TAFA5: variants seen among roughly 807,000 people sequenced by gnomAD.
TAFA5 encodes chemokine-like protein TAFA-5.
Under a neutral mutation model 15.3 loss-of-function variants are expected in TAFA5, and 6 were observed. The observed-to-expected ratio is 0.39, with a 90% CI of 0.21 to 0.77. The LOEUF is 0.77. TAFA5 is among the 30% of genes least tolerant of loss of function. The pLI is 0.41. For synonymous variants in TAFA5, 103 were observed against 80.7 expected, an observed-to-expected ratio of 1.28 and a Z score of -1.48; for missense variants, 161 against 193.1, an observed-to-expected ratio of 0.83 and a Z score of 0.98.
chr22:48,602,148 C>T (rs1371253220), intron 1 of TAFA5, among the ~76,000 whole-genome samples: 2 of 152,252 alleles, frequency 1.3e-5, no homozygotes, highest in South Asian at 2.1e-4. Flanking sequence ...CTCCCTCCTC[C>T]GCATCTTCCT....
chr22:48,720,975 G>A (rs1196817595), intron 3 of TAFA5, among the ~76,000 whole-genome samples: 3 of 152,152 alleles, frequency 2.0e-5, no homozygotes, highest in Non-Finnish European at 4.4e-5. Context: ...TCACACCCAC[G>A]TGAAGACCCC....
intron 1 of TAFA5, among the ~76,000 whole-genome samples, chr22:48,555,966 G>A (rs527460342): frequency 2.0e-5 from 3 of 152,214 alleles, no homozygotes; most frequent in African/African-American, 7.2e-5. Flanking sequence ...CCCTCTTCTT[G>A]TTCTAGCTCC....
intron 1 of TAFA5, among the ~76,000 whole-genome samples, chr22:48,621,029 C>T (rs1354216307): frequency 2.6e-5 from 2 of 77,518 alleles, no homozygotes; most frequent in African/African-American, 4.9e-5. Context: ...CCACACTATC[C>T]ATCCACCCTC....
chr22:48,648,565 G>A (rs1926945564), intron 2 of TAFA5, among the ~76,000 whole-genome samples: 1 of 152,198 alleles, frequency 6.6e-6, no homozygotes, highest in Non-Finnish European at 1.5e-5. Context: ...TATCAGCCAG[G>A]CGCAGTAGCT....
At chr22:48,644,202 G>A (rs1035903729) in intron 1 of TAFA5, among the ~76,000 whole-genome samples, 19 of 152,160 alleles carry the variant, frequency 1.2e-4, no homozygotes, top group African/African-American at 4.3e-4. Context: ...CCAAGTTCCC[G>A]CCCCACAGCC....
rs567435339 is a variant in TAFA5, at chr22:48,585,376, A to G, written c.113-61221A>G. Reference sequence around the variant, plus strand: ...ACATACACATACAAAATATTCATACACCACACAGCACACACCACACACACC... The same window carrying G: ...ACATACACATACAAAATATTCATACGCCACACAGCACACACCACACACACC... On this transcript the variant is annotated intron_variant, in intron 1 of 3. Transcript: ENST00000402357. 5.6e-5 allele frequency among the ~76,000 whole-genome samples: 8 copies of G among 143,878 alleles called. No homozygotes were observed. The East Asian group carries it at 1.7e-3, about 31-fold the overall frequency. The allele number at this position is 143,878 out of a possible 152,430, so 94.4% of individuals were successfully genotyped here.
chr22:48,697,443 G>C (rs1391238979), intron 2 of TAFA5, among the ~76,000 whole-genome samples: 1 of 135,808 alleles, frequency 7.4e-6, no homozygotes, highest in African/African-American at 2.7e-5. Flanking sequence ...TGATGATGAG[G>C]ATCAGGATGG....
chr22:48,571,577 T>TTTTG (rs1923589767), intron 1 of TAFA5, among the ~76,000 whole-genome samples: 8 of 106,316 alleles, frequency 7.5e-5, no homozygotes, highest in Non-Finnish European at 1.0e-4. Context: ...CTGGCCTGTT[T>TTTTG]TTTTTTTTTT....
chr22:48,747,005 G>A lies in TAFA5; in HGVS notation c.391-2834G>A, dbSNP rs368367457. Among the ~76,000 whole-genome samples the A allele has an allele frequency of 2.4e-4, 37 of 152,302 alleles. No individual in the cohort carries two copies. The South Asian group carries it at 5.6e-3, about 23-fold the overall frequency. On this transcript the variant is annotated intron_variant, in intron 3 of 3. Transcript: ENST00000402357. ...CCATACCCTACAGAGTGGGCTCAAC[G>A]CCCTGGAGCCCAGGAAGGAGTGGTT...
At chr22:48,693,496 G>T in intron 2 of TAFA5, 1 of 1,539,056 alleles carries the variant, frequency 6.5e-7, no homozygotes, top group Non-Finnish European at 8.8e-7. Flanking sequence ...AGCATAGCCT[G>T]AGGTCCCAGA....
rs144528076 is a variant in TAFA5 at position 48,524,746 on chromosome 22, G to A, written c.112+35042G>A. Among the ~76,000 whole-genome samples the A allele has an allele frequency of 9.8e-3, 1,489 of 152,306 alleles. 19 individuals are homozygous for A. The highest frequency in any genetic ancestry group is 0.014 in the Non-Finnish European group (926 of 68,020). On this transcript the variant is annotated intron_variant, in intron 1 of 3. Transcript: ENST00000402357. ...CCTGCACCGAGCTTCCCCAGGGCCA[G>A]CAGGGGTGGGCGGCCAGACGAGGGG... is the stretch of plus-strand genomic sequence containing the variant.
intron 1 of TAFA5, among the ~76,000 whole-genome samples, chr22:48,574,335 G>A (rs1209978294): frequency 1.3e-5 from 2 of 152,154 alleles, no homozygotes; most frequent in Non-Finnish European, 2.9e-5. Flanking sequence ...CTGCTTCGTG[G>A]ATGGCCTCTC....
intron 1 of TAFA5, among the ~76,000 whole-genome samples, chr22:48,537,793 C>T (rs1273343489): frequency 1.3e-5 from 2 of 152,244 alleles, no homozygotes; most frequent in Non-Finnish European, 2.9e-5. Context: ...CTAAGCCAGG[C>T]TCCTGCCGGA....
chr22:48,589,857 C>T (rs182788442), intron 1 of TAFA5, among the ~76,000 whole-genome samples: 2 of 152,150 alleles, frequency 1.3e-5, no homozygotes, highest in African/African-American at 4.8e-5. Flanking sequence ...CCAACTTCTG[C>T]CCTCCAGAAC....
At chr22:48,600,586 G>A (rs28382352) in intron 1 of TAFA5, among the ~76,000 whole-genome samples, 26,156 of 152,098 alleles carry the variant, frequency 0.17, 2,278 homozygotes, top group East Asian at 0.24. Context: ...GTGCATCTTC[G>A]TTGGCGACAC....
At chr22:48,685,263 G>C (rs1056646467) in intron 2 of TAFA5, among the ~76,000 whole-genome samples, 1 of 152,178 alleles carries the variant, frequency 6.6e-6, no homozygotes, top group Non-Finnish European at 1.5e-5. Context: ...TTATTATGTA[G>C]ATGAATCCTG....
intron 1 of TAFA5, among the ~76,000 whole-genome samples, chr22:48,643,436 T>TG (rs2147199930): frequency 6.6e-6 from 1 of 152,182 alleles, no homozygotes; most frequent in South Asian, 2.1e-4. Flanking sequence ...GTGGCTGGTT[T>TG]GGGGACCGCC....
intron 3 of TAFA5, among the ~76,000 whole-genome samples, chr22:48,725,986 T>C (rs1929704077): frequency 6.6e-6 from 1 of 152,176 alleles, no homozygotes; most frequent in African/African-American, 2.4e-5. Context: ...TATCTTTGAA[T>C]TTCAAGAACA....
rs1041804953 is a variant in TAFA5, at chr22:48,598,749, C to A, written c.113-47848C>A. Among the ~76,000 whole-genome samples the A allele has an allele frequency of 2.0e-5, 3 of 152,152 alleles. No homozygotes were observed. The highest frequency in any genetic ancestry group is 7.2e-5 in the African/African-American group (3 of 41,422). On this transcript the variant is annotated intron_variant, in intron 1 of 3. Transcript: ENST00000402357. The surrounding 1 kb of genome is among the most constrained non-coding windows in gnomAD (Gnocchi z 4.0). Reference sequence around the variant, plus strand: ...GACTACTCCCCAGAGTTAGCTGAGACCCCACCGAGGAAGGGCTCGGTCCCA... The same window carrying A: ...GACTACTCCCCAGAGTTAGCTGAGAACCCACCGAGGAAGGGCTCGGTCCCA...
Sources: allele counts gnomAD v4.1 joint callset (sites outside exome capture counted in the v4.1 genomes callset), GRCh38; gene constraint gnomAD v4.1.1; non-coding constraint Gnocchi (gnomAD v3.1); transcripts MANE v1.5; gene names NCBI Gene and HGNC (gene_info 2026-07-23, HGNC 2026-07-21).